ACTR8: variants seen among roughly 807,000 people sequenced by gnomAD.
ACTR8 encodes the protein actin-related protein 8.
ACTR8 carries 70 observed loss-of-function variants against 84.3 expected under a neutral mutation model. The ratio of observed to expected loss-of-function variants is 0.83; its 90% CI spans 0.68 to 1.01. ACTR8 has a LOEUF of 1.01. Ranked by LOEUF, ACTR8 falls within the 50% of genes least tolerant of loss-of-function variation. The pLI is 0.00. For synonymous variants in ACTR8, 268 were observed against 275.2 expected (o/e 0.97, Z 0.26); for missense variants, 672 against 775.4 (o/e 0.87, Z 1.58).
chr3:53,865,456 G>GCTAA, downstream of ACTR8: 2 of 579,292 alleles, frequency 3.5e-6, no homozygotes, highest in Non-Finnish European at 5.8e-6. Context: ...TTCAAATATT[G>GCTAA]CTAACTAATG....
intron 12 of ACTR8, among the ~76,000 whole-genome samples, chr3:53,869,184 G>A (rs1417515913): frequency 1.3e-5 from 2 of 152,230 alleles, no homozygotes; most frequent in East Asian, 1.9e-4. Flanking sequence ...AGGAGGCTGA[G>A]GCAGGAGAAT....
the ACTR8 span, chr3:53,860,242 T>G: frequency 2.7e-5 from 43 of 1,584,848 alleles, no homozygotes; most frequent in Non-Finnish European, 3.7e-5. Context: ...AGGGTTATAA[T>G]TCTTTAAAGA....
chr3:53,870,189 C>T lies in ACTR8; in HGVS notation c.1568-44G>A, dbSNP rs760266722. ...TCCTCCATGCTTTTTTCTCCACATCCATAATTCTAGGCCAAGCCACCAACA... is the reference window on the plus strand; with the variant it reads ...TCCTCCATGCTTTTTTCTCCACATCTATAATTCTAGGCCAAGCCACCAACA... On this transcript the variant is annotated intron_variant, in intron 11 of 12. Coordinates refer to ENST00000335754, the MANE Select transcript of ACTR8 (RefSeq NM_022899.5). This position sits in a 1 kb window ranked among gnomAD's most constrained non-coding sequence, Gnocchi z 4.1. 1 of 1,597,238 alleles carries T rather than the reference C, an allele frequency of 6.3e-7. No homozygotes were observed. Among genetic ancestry groups the T allele is most frequent in the Non-Finnish European group, 8.6e-7 (1 of 1,168,392 alleles).
rs1699862596 is a variant in ACTR8 at position 53,870,218 on chromosome 3, C to T, written c.1568-73G>A. 2 of 1,548,426 alleles carry T rather than the reference C, an allele frequency of 1.3e-6. No individual in the cohort carries two copies. The highest frequency in any genetic ancestry group is 1.4e-5 in the African/African-American group (1 of 73,432). ...ATTCTAGGCCAAGCCACCAACACCT[C>T]TTGCTTGAGCAAGTGCAATAGCCTT... On this transcript the variant is annotated intron_variant, in intron 11 of 12. Transcript: ENST00000335754. This position sits in a 1 kb window ranked among gnomAD's most constrained non-coding sequence, Gnocchi z 4.1.
rs910330352 is a variant in ACTR8 at position 53,882,139 on chromosome 3, C to A, written c.-38G>T. Reference sequence around the variant, plus strand: ...CACCCACCAACCTCTCGCCTCAGCGCTGCAGCCACGACTGCCGGGATGGAA... The same window carrying A: ...CACCCACCAACCTCTCGCCTCAGCGATGCAGCCACGACTGCCGGGATGGAA... On this transcript the variant is annotated 5_prime_UTR_variant, in exon 1 of 13. Coordinates refer to ENST00000335754, the MANE Select transcript of ACTR8 (RefSeq NM_022899.5). 25 of 1,547,906 alleles carry A rather than the reference C, an allele frequency of 1.6e-5. No individual in the cohort carries two copies. The highest frequency in any genetic ancestry group is 1.1e-4 in the African/African-American group (8 of 72,942).
Position 53,870,982 on chromosome 3 carries a change from T to C in ACTR8, c.1567+250A>G, listed in dbSNP as rs1279727224. On this transcript the variant is annotated intron_variant, in intron 11 of 12. Coordinates refer to ENST00000335754, the MANE Select transcript of ACTR8 (RefSeq NM_022899.5). The surrounding 1 kb of genome is among the most constrained non-coding windows in gnomAD (Gnocchi z 4.1). The stretch of plus-strand genomic sequence containing the variant: ...GTTTATCTAAAGGGTACTGACTGCT[T>C]AGTAGTGGCCTGCCAGTGGTAATTT... Among the ~76,000 whole-genome samples the C allele has an allele frequency of 6.6e-6, 1 of 152,260 alleles. No individual in the cohort carries two copies. Among genetic ancestry groups the C allele is most frequent in the Non-Finnish European group, 1.5e-5 (1 of 68,048 alleles).
At chr3:53,876,107 T>C (rs369650746) in intron 6 of ACTR8, 27 bp from the exon 7 acceptor site, 4 of 1,611,898 alleles carry the variant, frequency 2.5e-6, no homozygotes, top group Non-Finnish European at 2.5e-6. Flanking sequence ...AAAGGCAGAG[T>C]AGTCATTAGC....
chr3:53,877,358 G>GT lies in ACTR8; in HGVS notation c.539dup (p.Tyr180Ter). 1 of 1,612,726 alleles carries GT rather than the reference G, an allele frequency of 6.2e-7. No homozygotes were observed. The highest frequency in any genetic ancestry group is 8.5e-7 in the Non-Finnish European group (1 of 1,179,612). Residue 180 changes from tyrosine (Y) to a stop codon, truncating the protein, a stop_gained and frameshift_variant, in exon 5 of 13, where the codon TAC becomes TAAC. Coordinates refer to ENST00000335754, the MANE Select transcript of ACTR8 (RefSeq NM_022899.5). LOFTEE classifies it high-confidence loss of function. ...EALYVNPLDC[Y>*]NIHWPIRRGQ... Reference sequence around the variant, plus strand: ...CTCTTCTGATAGGCCAGTGAATATTGTAACAGTCCAGTGGATTAACATACA... The same window carrying GT: ...CTCTTCTGATAGGCCAGTGAATATTGTTAACAGTCCAGTGGATTAACATACA...
chr3:53,876,870 A>C (rs1224999853), intron 5 of ACTR8, among the ~76,000 whole-genome samples, 157 bp from the exon 6 acceptor site: 1 of 146,450 alleles, frequency 6.8e-6, no homozygotes, highest in East Asian at 2.0e-4. Context: ...GGGTTTTATA[A>C]GGAAAAAAAA....
chr3:53,864,817 T>C (rs373772569), downstream of ACTR8: 1 of 1,614,148 alleles, frequency 6.2e-7, no homozygotes, highest in Non-Finnish European at 8.5e-7. Flanking sequence ...GGTTTACCCA[T>C]CTGAAATATG....
chr3:53,877,520 C>A, intron 4 of ACTR8, 127 bp downstream of exon 4: 1 of 1,281,114 alleles, frequency 7.8e-7, no homozygotes, highest in East Asian at 2.5e-5. Context: ...GTCGGTGTGA[C>A]TATCTGGTAC....
Position 53,877,403 on chromosome 3 carries a change from G to A in ACTR8, c.511-16C>T. ...CATACAAGGCCTAGAAAAGGAGGAG[G>A]GAGATGAGTACTTTGTTAAAACTTT... On this transcript the variant is annotated splice_polypyrimidine_tract_variant and intron_variant, in intron 4 of 12. Transcript: ENST00000335754. 1 of 1,576,660 alleles carries A rather than the reference G, an allele frequency of 6.3e-7. No individual in the cohort carries two copies. The highest frequency in any genetic ancestry group is 8.6e-7 in the Non-Finnish European group (1 of 1,163,604).
At chr3:53,863,278 C>T (rs962201172), downstream of ACTR8, among the ~76,000 whole-genome samples, 2 of 152,138 alleles carry the variant, frequency 1.3e-5, no homozygotes, top group African/African-American at 4.8e-5. Flanking sequence ...GCCGGTGCCC[C>T]TCCCCACTGT....
the ACTR8 span, chr3:53,860,354 A>G: frequency 1.5e-6 from 1 of 677,874 alleles, no homozygotes; most frequent in Admixed American, 2.6e-5. Flanking sequence ...CATTTATGTA[A>G]TACCTTCAAG....
downstream of ACTR8, chr3:53,865,221 T>C: frequency 1.9e-6 from 3 of 1,613,912 alleles, no homozygotes; most frequent in East Asian, 4.5e-5. Context: ...ATGCCACTGC[T>C]TTCTGTGCAG....
chr3:53,879,081 T>G (rs77491848), intron 2 of ACTR8, among the ~76,000 whole-genome samples: 13,081 of 152,266 alleles, frequency 0.086, 719 homozygotes, highest in East Asian at 0.23. Flanking sequence ...ACTTTTTGGT[T>G]AAGCCATAAA....
chr3:53,871,368 C>A lies in ACTR8; in HGVS notation c.1431G>T (p.Gln477His). 6.2e-7 allele frequency: 1 copy of A among 1,614,242 alleles called. No individual in the cohort carries two copies. The highest frequency in any genetic ancestry group is 1.1e-5 in the South Asian group (1 of 91,084). ...CGTTGCCGGCCATCAGGCCATCTCCCTGTGCAGACCCCAAATCTACCTCCT... is the reference window on the plus strand; with the variant it reads ...CGTTGCCGGCCATCAGGCCATCTCCATGTGCAGACCCCAAATCTACCTCCT... ...HSQEVDLGSA[Q>H]GDGLMAGNDS... The change falls in exon 11 of 13, where the codon CAG (glutamine) becomes CAT (histidine). Residue 477 changes from glutamine to histidine, a missense_variant. Coordinates refer to ENST00000335754, the MANE Select transcript of ACTR8 (RefSeq NM_022899.5).
In ACTR8 at chr3:53,870,524, G is replaced by A. The variant is rs959688289; in HGVS notation, c.1568-379C>T. Among the ~76,000 whole-genome samples the A allele has an allele frequency of 9.2e-5, 14 of 152,112 alleles. No individual in the cohort carries two copies. The highest frequency in any genetic ancestry group is 3.3e-4 in the Admixed American group (5 of 15,266). ...AAAGTAGCCGGGCATGGTAGCGTGC[G>A]CCTGTAGTCCCAGCTACTCGGGAGG... On this transcript the variant is annotated intron_variant, in intron 11 of 12. Coordinates refer to ENST00000335754, the MANE Select transcript of ACTR8 (RefSeq NM_022899.5). The surrounding 1 kb of genome is among the most constrained non-coding windows in gnomAD (Gnocchi z 4.1).
At chr3:53,861,258 C>A in the ACTR8 span, 2 of 152,004 alleles carry the variant, frequency 1.3e-5, no homozygotes, top group African/African-American at 4.8e-5. Flanking sequence ...GCTGGCAGTG[C>A]TCCCAAGAAG....
Sources: allele counts gnomAD v4.1 joint callset (sites outside exome capture counted in the v4.1 genomes callset), GRCh38; gene constraint gnomAD v4.1.1; non-coding constraint Gnocchi (gnomAD v3.1); transcripts MANE v1.5; gene names NCBI Gene and HGNC (gene_info 2026-07-23, HGNC 2026-07-21).